The following MPP7 variants were observed in gnomAD, a reference collection of about 807,000 sequenced individuals.
MPP7 encodes the protein MAGUK p55 subfamily member 7.
A neutral mutation model predicts 76.5 loss-of-function variants in MPP7; 60 were observed. The observed-to-expected ratio is 0.78, with a 90% confidence interval of 0.64 to 0.97. The LOEUF (loss-of-function observed/expected upper bound fraction) is 0.97, where lower values mean the gene tolerates loss of function less well. MPP7 is among the 50% of genes least tolerant of loss of function. MPP7 has a pLI of 0.00. For missense variants in MPP7, 641 were observed against 694.0 expected (o/e 0.92, Z 0.86); for synonymous variants, 237 against 244.5 (o/e 0.97, Z 0.29).
chr10:28,053,806 A>G lies in MPP7; in HGVS notation c.*259T>C. The G allele has an allele frequency of 2.4e-6, 1 of 416,986 alleles. No individual in the cohort carries two copies. The highest frequency in any genetic ancestry group is 4.2e-6 in the Non-Finnish European group (1 of 237,050). 25.8% of individuals were successfully genotyped at this position (416,986 alleles called of 1,614,324 possible). A position where few individuals can be genotyped will look rare whatever the true frequency, so the allele number is the denominator to read the frequency against. On this transcript the variant is annotated 3_prime_UTR_variant, in exon 17 of 17. Transcript: ENST00000683449. ...AAAATTTCAGCCTCATCTTGGAGAT[A>G]GAGCGGTATTGAAGACAACGAGAAG...
chr10:28,125,722 C>T (rs771499399), intron 6 of MPP7, among the ~76,000 whole-genome samples: 1 of 152,102 alleles, frequency 6.6e-6, no homozygotes, highest in Non-Finnish European at 1.5e-5. Flanking sequence ...GAAGAAAGAG[C>T]TCTTACTCCA....
At chr10:28,078,650 A>G (rs1852610080) in intron 12 of MPP7, among the ~76,000 whole-genome samples, 1 of 152,220 alleles carries the variant, frequency 6.6e-6, no homozygotes, top group African/African-American at 2.4e-5. Context: ...TTATAAAACC[A>G]TGTTGGAAAG....
chr10:28,056,764 GAC>G, intron 15 of MPP7, 141 bp from the exon 16 acceptor site: 1 of 657,996 alleles, frequency 1.5e-6, no homozygotes, highest in South Asian at 2.8e-5. Context: ...ATTAACTGTT[GAC>G]AATTAAATGT....
intron 1 of MPP7, among the ~76,000 whole-genome samples, chr10:28,245,351 T>C (rs7072173): frequency 0.14 from 21,720 of 152,152 alleles, 1,704 homozygotes; most frequent in African/African-American, 0.19. Context: ...GTTCAATCAA[T>C]GTCCCCCACT....
chr10:28,138,218 T>C (rs1835408309), intron 5 of MPP7, among the ~76,000 whole-genome samples: 1 of 152,254 alleles, frequency 6.6e-6, no homozygotes, highest in African/African-American at 2.4e-5. Flanking sequence ...CCCGGAATGA[T>C]GACTCATACA....
chr10:28,093,653 G>T (rs757362084), intron 11 of MPP7, among the ~76,000 whole-genome samples: 3 of 151,922 alleles, frequency 2.0e-5, no homozygotes, highest in Middle Eastern at 3.2e-3. Context: ...CTCCATGTTG[G>T]CCAGGCTGGT....
chr10:28,227,973 C>T (rs114656341), intron 2 of MPP7, among the ~76,000 whole-genome samples: 1,833 of 152,292 alleles, frequency 0.012, 37 homozygotes, highest in African/African-American at 0.042. Flanking sequence ...TATAGCCTCA[C>T]CAGCATCTGT....
rs3064171 is a variant in MPP7, at chr10:28,321,948, CGTGTGTGTGTGT to C, written c.-132+7969_-132+7980del. Among the ~76,000 whole-genome samples the C allele has an allele frequency of 5.0e-3, 714 of 143,456 alleles. 4 individuals carry two copies. The highest frequency in any genetic ancestry group is 8.1e-3 in the African/African-American group (312 of 38,734). 94.1% of individuals were successfully genotyped at this position (143,456 alleles called of 152,430 possible). ...GTAAGCTACAACTTGTTTTTGTAGA[CGTGTGTGTGTGT>C]GTGTGTGTGTGTGTGTGTGTGTGTG... On this transcript the variant is annotated intron_variant, in intron 2 of 11. Coordinates refer to the MPP7 transcript ENST00000441595.
intron 1 of MPP7, among the ~76,000 whole-genome samples, chr10:28,332,845 TA>T (rs1834483671): frequency 6.6e-6 from 1 of 151,966 alleles, no homozygotes; most frequent in Non-Finnish European, 1.5e-5. Context: ...TATTTTTATA[TA>T]GAGACAGAGT....
At chr10:28,106,076 C>A (rs1834315911) in intron 11 of MPP7, among the ~76,000 whole-genome samples, 1 of 152,174 alleles carries the variant, frequency 6.6e-6, no homozygotes, top group Non-Finnish European at 1.5e-5. Flanking sequence ...CTCTTGGAAG[C>A]ACAAAGCTCA....
At position 28,125,415 on chromosome 10, in the gene MPP7, GT is replaced by G. The variant is rs200732901; in HGVS notation, c.448-325del. ...ATACCTTGTATTTCAATGCTGTTTGGTTTTTATCCTTTTAAAGCAATTCTTC... is the reference window on the plus strand; with the variant it reads ...ATACCTTGTATTTCAATGCTGTTTGGTTTTATCCTTTTAAAGCAATTCTTC... On this transcript the variant is annotated intron_variant, in intron 6 of 16. Coordinates refer to ENST00000683449, the MANE Select transcript of MPP7 (RefSeq NM_001318170.2). Among the ~76,000 whole-genome samples the G allele has an allele frequency of 6.8e-3, 1,028 of 152,012 alleles. 52 individuals carry two copies. Among genetic ancestry groups the G allele is most frequent in the Admixed American group, 0.058 (891 of 15,260 alleles).
At chr10:28,180,201 C>A (rs1220155901) in intron 3 of MPP7, among the ~76,000 whole-genome samples, 1 of 152,040 alleles carries the variant, frequency 6.6e-6, no homozygotes, top group Non-Finnish European at 1.5e-5. Flanking sequence ...ACTCTAAGAA[C>A]AATGTAGATA....
chr10:28,193,407 T>C (rs1352860997), intron 3 of MPP7, among the ~76,000 whole-genome samples: 1 of 151,736 alleles, frequency 6.6e-6, no homozygotes, highest in South Asian at 2.1e-4. Context: ...GGAGACGGGG[T>C]TTCACCATGT....
chr10:28,102,979 C>G (rs1853896835), intron 11 of MPP7, among the ~76,000 whole-genome samples: 2 of 152,206 alleles, frequency 1.3e-5, no homozygotes, highest in African/African-American at 2.4e-5. Context: ...AGTTCCTCCT[C>G]CCACAAACAT....
At chr10:28,246,510 C>T (rs1036556376) in intron 1 of MPP7, among the ~76,000 whole-genome samples, 1 of 152,064 alleles carries the variant, frequency 6.6e-6, no homozygotes, top group Non-Finnish European at 1.5e-5. Context: ...AAATATAAAG[C>T]TCTTTGGTAA....
At chr10:28,226,347 A>G (rs1838690984) in intron 2 of MPP7, among the ~76,000 whole-genome samples, 2 of 152,064 alleles carry the variant, frequency 1.3e-5, no homozygotes, top group African/African-American at 4.8e-5. Flanking sequence ...CCCGGGTTCA[A>G]GCTATTCTCA....
At chr10:28,244,805 CT>C (rs1375321932) in intron 1 of MPP7, among the ~76,000 whole-genome samples, 1 of 152,126 alleles carries the variant, frequency 6.6e-6, no homozygotes, top group Admixed American at 6.5e-5. Flanking sequence ...CCACAAGACC[CT>C]TAGGGACTCA....
At chr10:28,270,533 G>A (rs370313740) in intron 1 of MPP7, among the ~76,000 whole-genome samples, 879 of 24,040 alleles carry the variant, frequency 0.037, 12 homozygotes, top group East Asian at 0.27. Flanking sequence ...AAAAAAAAAA[G>A]GGGGGGGGGG....
At chr10:28,334,341 T>C (rs1190631975) in intron 1 of MPP7, 1 of 152,220 alleles carries the variant, frequency 6.6e-6, no homozygotes, top group Non-Finnish European at 1.5e-5. Context: ...CAAGATATTA[T>C]ACATAAGAAT....
Sources: allele counts gnomAD v4.1 joint callset (sites outside exome capture counted in the v4.1 genomes callset), GRCh38; gene constraint gnomAD v4.1.1; transcripts MANE v1.5; gene names NCBI Gene and HGNC (gene_info 2026-07-23, HGNC 2026-07-21).